The following ZNF10 variants were observed in gnomAD, a reference collection of about 807,000 sequenced individuals.
The protein encoded by ZNF10 is zinc finger protein 10 (KOX 1).
In ZNF10, 8 loss-of-function variants were observed where a neutral mutation model predicts 12.2. That is an observed-to-expected ratio of 0.66 (90% CI 0.39 to 1.18). The LOEUF is 1.18. Among genes scored for constraint, ZNF10 ranks in the 50% most tolerant of loss-of-function variants. The pLI is 0.01. For synonymous variants in ZNF10, 229 were observed against 228.2 expected (o/e 1.00, Z -0.03); for missense variants, 603 against 678.9 (o/e 0.89, Z 1.24).
chr12:133,155,010 G>A (rs1312918663), intron 4 of ZNF10, among the ~76,000 whole-genome samples: 2 of 151,904 alleles, frequency 1.3e-5, no homozygotes, highest in East Asian at 1.9e-4. Flanking sequence ...CCTGGGAGGC[G>A]GAGGTTGCAT....
chr12:133,144,766 T>G, intron 2 of ZNF10: 1 of 498,806 alleles, frequency 2.0e-6, no homozygotes, highest in Non-Finnish European at 3.6e-6. Context: ...TAGTGGAAAA[T>G]ATGACAGAAT....
At chr12:133,135,697 G>C (rs182329935) in intron 1 of ZNF10, among the ~76,000 whole-genome samples, 33 of 152,270 alleles carry the variant, frequency 2.2e-4, no homozygotes, top group Admixed American at 7.2e-4. Flanking sequence ...AAATCTGTCA[G>C]CTCCTTCCTT....
intron 2 of ZNF10, among the ~76,000 whole-genome samples, chr12:133,145,705 T>G: frequency 6.6e-6 from 1 of 151,888 alleles, no homozygotes. Flanking sequence ...CTCCGGAGGC[T>G]GAGGCAGGAA....
Position 133,156,541 on chromosome 12 carries a change from C to T in ZNF10, c.1295C>T (p.Pro432Leu). 1 of 1,613,890 alleles carries T rather than the reference C, an allele frequency of 6.2e-7. No individual in the cohort carries two copies. Among genetic ancestry groups the T allele is most frequent in the Non-Finnish European group, 8.5e-7 (1 of 1,179,884 alleles). ...VHHRIHTGLK[P>L]FECKDCGKCF... ...CATAGAATTCACACTGGACTAAAAC[C>T]TTTTGAGTGTAAGGATTGTGGAAAA... Residue 432 changes from proline to leucine, a missense_variant, in exon 5 of 5, where the codon CCT (proline) becomes CTT (leucine). Pro to Leu is a moderately conservative substitution (Grantham distance 98, BLOSUM62 -3). Transcript: ENST00000248211.
intron 1 of ZNF10, among the ~76,000 whole-genome samples, chr12:133,133,630 A>G (rs1045856456): frequency 6.6e-6 from 1 of 152,240 alleles, no homozygotes; most frequent in Non-Finnish European, 1.5e-5. Flanking sequence ...GTCACAGCAT[A>G]GATGGCATTA....
At chr12:133,145,507 A>G (rs1028415317) in intron 2 of ZNF10, among the ~76,000 whole-genome samples, 2 of 152,120 alleles carry the variant, frequency 1.3e-5, no homozygotes, top group African/African-American at 4.8e-5. Flanking sequence ...GCATTATCCA[A>G]TCCAAAATTT....
rs1410953456 is a variant in ZNF10 at position 133,155,838 on chromosome 12, G to C, written c.592G>C (p.Asp198His). 6.2e-7 allele frequency: 1 copy of C among 1,613,670 alleles called. No homozygotes were observed. Among genetic ancestry groups the C allele is most frequent in the Non-Finnish European group, 8.5e-7 (1 of 1,179,856 alleles). Residue 198 changes from aspartate to histidine, a missense_variant, in exon 5 of 5, where the codon GAT becomes CAT. Physicochemically the swap from Asp to His is moderately conservative, Grantham distance 81. This residue lies in a region of ZNF10 where 393 missense variants were observed against 399.7 expected (regional missense o/e 0.98). Coordinates refer to ENST00000248211, the MANE Select transcript of ZNF10 (RefSeq NM_015394.5). ...CTCACATACTAAAAGTTTAAAACATGATTTAGTTCTTAATGGTCATCAGGA... is the reference window on the plus strand; with the variant it reads ...CTCACATACTAAAAGTTTAAAACATCATTTAGTTCTTAATGGTCATCAGGA... Reference protein sequence around the residue: ...RDSHTKSLKHDLVLNGHQDSC... With the variant: ...RDSHTKSLKHHLVLNGHQDSC...
In ZNF10 at chr12:133,156,211, A is replaced by G. The variant is rs143091184; in HGVS notation, c.965A>G (p.Glu322Gly). ...ACCCATACTGGTGAGGAACCCTATG[A>G]ATGTAAAGAATGTGGAAAATCCTTC... ...QKTHTGEEPY[E>G]CKECGKSFSW... The change falls in exon 5 of 5, where the codon GAA (glutamate) becomes GGA (glycine). Residue 322 changes from glutamate to glycine, a missense_variant. By Grantham distance (98) the Glu-to-Gly change is moderately conservative. This residue lies in a region of ZNF10 where 393 missense variants were observed against 399.7 expected (regional missense o/e 0.98). Transcript: ENST00000248211. 1.2e-6 allele frequency: 2 copies of G among 1,614,054 alleles called. No individual in the cohort carries two copies. The highest frequency in any genetic ancestry group is 1.7e-6 in the Non-Finnish European group (2 of 1,180,006).
intron 1 of ZNF10, among the ~76,000 whole-genome samples, chr12:133,131,678 C>T (rs1479209958): frequency 6.6e-6 from 1 of 152,160 alleles, no homozygotes; most frequent in Non-Finnish European, 1.5e-5. Flanking sequence ...AAAATTGTCC[C>T]CCATCTTCCA....
At chr12:133,144,970 C>T (rs984420591) in intron 2 of ZNF10, 11 of 397,064 alleles carry the variant, frequency 2.8e-5, no homozygotes, top group Non-Finnish European at 4.5e-5. Context: ...GCAACCTCCA[C>T]CTCCCAGGTT....
rs532888596 is a variant in ZNF10, at chr12:133,146,304, G to A, written c.33+1779G>A. ...TATCCAGCTGGTGATCTCCATTGGTGAAATAAATCAGAAAGGCAGAGGGCA... is the reference window on the plus strand; with the variant it reads ...TATCCAGCTGGTGATCTCCATTGGTAAAATAAATCAGAAAGGCAGAGGGCA... On this transcript the variant is annotated intron_variant, in intron 2 of 4. Transcript: ENST00000248211. Among the ~76,000 whole-genome samples the A allele has an allele frequency of 2.6e-5, 4 of 152,266 alleles. No individual in the cohort carries two copies. The South Asian group carries it at 8.3e-4, about 32-fold the overall frequency.
intron 2 of ZNF10, among the ~76,000 whole-genome samples, chr12:133,145,262 C>T (rs549461189): frequency 2.6e-4 from 39 of 152,206 alleles, no homozygotes; most frequent in Non-Finnish European, 5.3e-4. Flanking sequence ...ATAATGCTTA[C>T]TTCCAGCAAA....
intron 2 of ZNF10, among the ~76,000 whole-genome samples, chr12:133,147,782 A>ATT (rs767587711): frequency 3.0e-5 from 4 of 135,402 alleles, no homozygotes; most frequent in Non-Finnish European, 6.4e-5. Flanking sequence ...TGCCTGGCTA[A>ATT]TTTTTTTTTT....
At chr12:133,146,817 C>T (rs1460088687) in intron 2 of ZNF10, among the ~76,000 whole-genome samples, 1 of 151,910 alleles carries the variant, frequency 6.6e-6, no homozygotes, top group Non-Finnish European at 1.5e-5. Context: ...CTTCACTCTA[C>T]CCTAGGTGAA....
chr12:133,143,243 A>G (rs1955956645), intron 1 of ZNF10, among the ~76,000 whole-genome samples: 2 of 152,168 alleles, frequency 1.3e-5, no homozygotes. Flanking sequence ...AGCGATGGAA[A>G]AGTTTTGGAA....
rs149145685 is a variant in ZNF10 at position 133,139,880 on chromosome 12, T to G, written c.-59-4554T>G. Among the ~76,000 whole-genome samples the G allele has an allele frequency of 6.9e-3, 1,051 of 152,048 alleles. 3 individuals are homozygous for G. Among genetic ancestry groups the G allele is most frequent in the Middle Eastern group, 0.031 (9 of 292 alleles). Reference sequence around the variant, plus strand: ...TTCTAGACTAGCCTGGGCAACATAATGAGACCCCTATCGCTGCAAAAAAAA... The same window carrying G: ...TTCTAGACTAGCCTGGGCAACATAAGGAGACCCCTATCGCTGCAAAAAAAA... On this transcript the variant is annotated intron_variant, in intron 1 of 4. Coordinates refer to ENST00000248211, the MANE Select transcript of ZNF10 (RefSeq NM_015394.5).
chr12:133,141,326 C>T (rs1955943178), intron 1 of ZNF10, among the ~76,000 whole-genome samples: 1 of 152,126 alleles, frequency 6.6e-6, no homozygotes, highest in Non-Finnish European at 1.5e-5. Context: ...TATCTGGCAT[C>T]CAATCAAATT....
At position 133,152,027 on chromosome 12, in the gene ZNF10, A is replaced by T. The variant is rs1956011562; in HGVS notation, c.256+123A>T. On this transcript the variant is annotated intron_variant, in intron 4 of 4. Transcript: ENST00000248211. ...CCTTCTTCCTGGGAAGACTGAGTTT[A>T]TCTGGCCCCTGTTTCCCCACTGCCA... is the stretch of plus-strand genomic sequence containing the variant. 3 of 670,864 alleles carry T rather than the reference A, an allele frequency of 4.5e-6. No individual in the cohort carries two copies. The South Asian group carries it at 5.6e-5, about 12-fold the overall frequency. 41.6% of individuals were successfully genotyped at this position (670,864 alleles called of 1,614,324 possible).
chr12:133,151,330 G>A (rs1278946113), intron 3 of ZNF10, among the ~76,000 whole-genome samples, 176 bp downstream of exon 3: 1 of 152,092 alleles, frequency 6.6e-6, no homozygotes, highest in East Asian at 1.9e-4. Context: ...TTAATGTATT[G>A]AAGTTTTAAA....
Sources: allele counts gnomAD v4.1 joint callset (sites outside exome capture counted in the v4.1 genomes callset), GRCh38; gene constraint gnomAD v4.1.1; regional missense constraint gnomAD v4.1.1; transcripts MANE v1.5; gene names NCBI Gene and HGNC (gene_info 2026-07-23, HGNC 2026-07-21).